Variants in MEGF10 observed in about 807,000 individuals in gnomAD.
The protein encoded by MEGF10 is multiple EGF like domains 10.
A neutral mutation model predicts 147.5 loss-of-function variants in MEGF10; 86 were observed. The ratio of observed to expected loss-of-function variants is 0.58; its 90% confidence interval spans 0.49 to 0.70. The LOEUF (loss-of-function observed/expected upper bound fraction) is 0.70, where lower values mean the gene tolerates loss of function less well. MEGF10 is among the 30% of genes least tolerant of loss of function. MEGF10 has a pLI of 0.00. For missense variants in MEGF10, 1,329 were observed against 1,487.3 expected (o/e 0.89, Z 1.75); for synonymous variants, 478 against 525.5 (o/e 0.91, Z 1.24).
At chr5:127,285,753 C>T in the MEGF10 span, among the ~76,000 whole-genome samples, 1 of 152,008 alleles carries the variant, frequency 6.6e-6, no homozygotes, top group Non-Finnish European at 1.5e-5. Flanking sequence ...ACTATTCTTG[C>T]TGGCTGTAAT....
intron 5 of MEGF10, among the ~76,000 whole-genome samples, chr5:127,388,389 T>C (rs1763515231): frequency 1.3e-5 from 2 of 152,018 alleles, no homozygotes; most frequent in African/African-American, 4.8e-5. Flanking sequence ...GCTCAAGCAA[T>C]CCACCCACCT....
chr5:127,294,655 C>T (rs1255576435), intron 1 of MEGF10, among the ~76,000 whole-genome samples: 5 of 151,836 alleles, frequency 3.3e-5, no homozygotes, highest in African/African-American at 1.2e-4. Context: ...CAGAATTAGC[C>T]GTGAGTGGTA....
chr5:127,345,607 G>C (rs903691661), intron 4 of MEGF10, among the ~76,000 whole-genome samples: 1 of 152,100 alleles, frequency 6.6e-6, no homozygotes, highest in Non-Finnish European at 1.5e-5. Context: ...AATTTAATTA[G>C]ACTCTAAATT....
chr5:127,357,005 C>T (rs1215133589), intron 4 of MEGF10, among the ~76,000 whole-genome samples: 5 of 152,142 alleles, frequency 3.3e-5, no homozygotes, highest in Non-Finnish European at 7.4e-5. Context: ...TTGGAAAACA[C>T]TGCTTTGAGG....
At chr5:127,242,323 C>G in the MEGF10 span, among the ~76,000 whole-genome samples, 1 of 152,126 alleles carries the variant, frequency 6.6e-6, no homozygotes, top group Admixed American at 6.6e-5. Flanking sequence ...AACATTAAGA[C>G]TTCTTACATT....
intron 22 of MEGF10, among the ~76,000 whole-genome samples, chr5:127,451,756 G>T (rs1275540802): frequency 6.6e-6 from 1 of 152,156 alleles, no homozygotes; most frequent in African/African-American, 2.4e-5. Context: ...GGAAATTCTG[G>T]ATCTTCTTGG....
At chr5:127,360,355 C>T (rs571810456) in intron 4 of MEGF10, among the ~76,000 whole-genome samples, 62 of 151,880 alleles carry the variant, frequency 4.1e-4, no homozygotes, top group Non-Finnish European at 7.7e-4. Context: ...TTGTTAAGTG[C>T]TCTTTTTTTA....
intron 5 of MEGF10, among the ~76,000 whole-genome samples, chr5:127,384,165 C>A (rs1165697257): frequency 6.6e-6 from 1 of 152,182 alleles, no homozygotes; most frequent in African/African-American, 2.4e-5. Context: ...TAACACCTAG[C>A]ACATTCTTTT....
intron 11 of MEGF10, 65 bp from the exon 12 acceptor site, chr5:127,419,979 A>ACTCTTCC: frequency 6.4e-7 from 1 of 1,560,700 alleles, no homozygotes; most frequent in East Asian, 2.3e-5. Context: ...CGTGGTTTGG[A>ACTCTTCC]AAGGCTCAAC....
At chr5:127,257,945 T>C in the MEGF10 span, among the ~76,000 whole-genome samples, 2 of 152,302 alleles carry the variant, frequency 1.3e-5, no homozygotes, top group Admixed American at 1.3e-4. Context: ...TAAGATTTGT[T>C]TCTACTATTT....
At chr5:127,363,768 T>G (rs1461373250) in intron 4 of MEGF10, among the ~76,000 whole-genome samples, 2 of 152,058 alleles carry the variant, frequency 1.3e-5, no homozygotes, top group Admixed American at 1.3e-4. Flanking sequence ...AGATACAAAG[T>G]TTTTGTATTA....
At chr5:127,281,752 G>A in the MEGF10 span, among the ~76,000 whole-genome samples, 2 of 152,190 alleles carry the variant, frequency 1.3e-5, no homozygotes, top group African/African-American at 4.8e-5. Flanking sequence ...GCAGGGCATG[G>A]GCAGGCTCTT....
At chr5:127,403,567 C>T (rs1764211234) in intron 8 of MEGF10, among the ~76,000 whole-genome samples, 1 of 152,100 alleles carries the variant, frequency 6.6e-6, no homozygotes, top group Non-Finnish European at 1.5e-5. Flanking sequence ...ACCCATTAAC[C>T]ATCCCCATTT....
At chr5:127,449,826 G>T (rs1169909788) in intron 22 of MEGF10, among the ~76,000 whole-genome samples, 7 of 151,918 alleles carry the variant, frequency 4.6e-5, no homozygotes, top group African/African-American at 1.7e-4. Context: ...ATTTATTGAG[G>T]ACCCAAAAGA....
chr5:127,406,615 C>G (rs917726774), intron 8 of MEGF10, among the ~76,000 whole-genome samples: 2 of 152,140 alleles, frequency 1.3e-5, no homozygotes, highest in Non-Finnish European at 1.5e-5. Flanking sequence ...CCCTAGGAGC[C>G]TGCACAGAAT....
At chr5:127,441,192 C>T (rs567700194) in intron 18 of MEGF10, among the ~76,000 whole-genome samples, 140 of 152,338 alleles carry the variant, frequency 9.2e-4, no homozygotes, top group African/African-American at 3.2e-3. Context: ...AAGATCCAGT[C>T]GAGCTTTCTT....
At chr5:127,374,811 T>C (rs774039154) in intron 5 of MEGF10, among the ~76,000 whole-genome samples, 5 of 152,124 alleles carry the variant, frequency 3.3e-5, no homozygotes, top group Non-Finnish European at 7.3e-5. Flanking sequence ...ATTAAAAATG[T>C]CTTTCATGTA....
chr5:127,427,571 C>T (rs1451601125), intron 13 of MEGF10, among the ~76,000 whole-genome samples: 2 of 151,820 alleles, frequency 1.3e-5, no homozygotes, highest in African/African-American at 2.4e-5. Context: ...GCCCACTTCT[C>T]CGCTCTTCCC....
chr5:127,283,195 CT>C, the MEGF10 span, among the ~76,000 whole-genome samples: 29 of 152,326 alleles, frequency 1.9e-4, no homozygotes, highest in African/African-American at 6.7e-4. Context: ...TTTATTCCCC[CT>C]GATACTTACA....
Sources: allele counts gnomAD v4.1 joint callset (sites outside exome capture counted in the v4.1 genomes callset), GRCh38; gene constraint gnomAD v4.1.1; transcripts MANE v1.5; gene names NCBI Gene and HGNC (gene_info 2026-07-23, HGNC 2026-07-21).